OPCML: variants seen among roughly 807,000 people sequenced by gnomAD.
OPCML encodes opioid-binding protein/cell adhesion molecule.
OPCML carries 13 observed loss-of-function variants against 37.8 expected under a neutral mutation model. The observed-to-expected ratio is 0.34, with a 90% CI of 0.22 to 0.55. The LOEUF (loss-of-function observed/expected upper bound fraction) is 0.55. Ranked by LOEUF, OPCML falls within the 20% of genes least tolerant of loss-of-function variation. OPCML has a pLI of 0.91. For synonymous variants in OPCML, 176 were observed against 168.8 expected, an observed-to-expected ratio of 1.04 and a Z score of -0.33; for missense variants, 341 against 435.6, an observed-to-expected ratio of 0.78 and a Z score of 1.93.
intron 1 of OPCML, among the ~76,000 whole-genome samples, chr11:133,411,851 G>A (rs146652691): frequency 2.6e-5 from 4 of 152,254 alleles, no homozygotes; most frequent in East Asian, 1.9e-4. Context: ...TCTGTTTATT[G>A]TCTTTGACTG....
At chr11:132,642,561 T>C (rs1409805011) in intron 3 of OPCML, among the ~76,000 whole-genome samples, 1 of 152,220 alleles carries the variant, frequency 6.6e-6, no homozygotes, top group African/African-American at 2.4e-5. Context: ...CATATTAGGA[T>C]AAGTGAAGGG....
At chr11:133,280,152 A>T (rs1423050507) in intron 1 of OPCML, among the ~76,000 whole-genome samples, 2 of 152,218 alleles carry the variant, frequency 1.3e-5, no homozygotes. Context: ...GTACCCTCCT[A>T]GATTTGCATA....
chr11:132,927,108 TAGAG>T (rs1322799809), intron 2 of OPCML, among the ~76,000 whole-genome samples: 3 of 151,540 alleles, frequency 2.0e-5, no homozygotes, highest in Non-Finnish European at 4.4e-5. Flanking sequence ...GGAAAAGAAA[TAGAG>T]AGAAAGGAAA....
chr11:133,489,593 T>G (rs1333870257), intron 1 of OPCML, among the ~76,000 whole-genome samples: 1 of 152,168 alleles, frequency 6.6e-6, no homozygotes, highest in Non-Finnish European at 1.5e-5. Flanking sequence ...TTAGTGAGGA[T>G]GCAGAGACTA....
Position 133,170,805 on chromosome 11 carries a change from T to C in OPCML, c.62-227795A>G, listed in dbSNP as rs75238019. Among the ~76,000 whole-genome samples the C allele has an allele frequency of 3.9e-3, 599 of 152,264 alleles. 7 individuals are homozygous for C. The highest frequency in any genetic ancestry group is 0.014 in the African/African-American group (578 of 41,564). ...AGGTCTACCTGGAGCCACAGCCCTC[T>C]CCATCTAGAAGGAGCTGGATCCTGG... On this transcript the variant is annotated intron_variant, in intron 1 of 7. Coordinates refer to ENST00000524381, the MANE Select transcript of OPCML (RefSeq NM_001012393.5).
intron 2 of OPCML, among the ~76,000 whole-genome samples, chr11:132,700,433 T>G (rs998011019): frequency 2.0e-5 from 3 of 152,152 alleles, no homozygotes; most frequent in African/African-American, 7.2e-5. Context: ...CTATAATATC[T>G]CCACTTGAAG....
intron 1 of OPCML, among the ~76,000 whole-genome samples, chr11:132,971,138 A>G (rs762551774): frequency 1.3e-5 from 2 of 152,202 alleles, no homozygotes; most frequent in African/African-American, 2.4e-5. Context: ...GCAAGCTGAA[A>G]AACAACATCT....
intron 1 of OPCML, among the ~76,000 whole-genome samples, chr11:133,379,020 T>C (rs560883034): frequency 1.3e-5 from 2 of 152,288 alleles, no homozygotes; most frequent in Admixed American, 1.3e-4. Flanking sequence ...GCCTCACAGA[T>C]TGCTGGGATT....
Position 132,702,274 on chromosome 11 carries a change from T to A in OPCML, c.147-44955A>T, listed in dbSNP as rs188564158. The stretch of plus-strand genomic sequence containing the variant: ...AGTGGTGATGAACTCCCTCAGTTTT[T>A]TGTTTGTCTAGGAAAATCTCCTTCA... On this transcript the variant is annotated intron_variant, in intron 2 of 7. Transcript: ENST00000524381. Among the ~76,000 whole-genome samples the A allele has an allele frequency of 2.3e-3, 357 of 152,282 alleles. 2 individuals carry two copies. Among genetic ancestry groups the A allele is most frequent in the Non-Finnish European group, 1.9e-3 (132 of 68,020 alleles).
At chr11:132,558,146 C>T (rs1235791698) in intron 3 of OPCML, among the ~76,000 whole-genome samples, 3 of 152,048 alleles carry the variant, frequency 2.0e-5, no homozygotes, top group Non-Finnish European at 4.4e-5. Context: ...ACCTTCATCT[C>T]TTCATACCCA....
rs139343849 is a variant in OPCML, at chr11:132,419,188, C to A, written c.*1005G>T. ...ATAAATGAATACAGTGGGAGAGATACAATATGGTTAGAGATTCATATGGGG... is the reference window on the plus strand; with the variant it reads ...ATAAATGAATACAGTGGGAGAGATAAAATATGGTTAGAGATTCATATGGGG... On this transcript the variant is annotated 3_prime_UTR_variant, in exon 8 of 8. Transcript: ENST00000524381. 5.9e-5 allele frequency: 9 copies of A among 152,258 alleles called. No homozygotes were observed. Among genetic ancestry groups the A allele is most frequent in the African/African-American group, 1.4e-4 (6 of 41,518 alleles). The allele number at this position is 152,258 out of a possible 1,614,324, so 9.4% of individuals were successfully genotyped here.
At chr11:133,471,092 A>G (rs1565652649) in intron 1 of OPCML, among the ~76,000 whole-genome samples, 1 of 152,230 alleles carries the variant, frequency 6.6e-6, no homozygotes, top group East Asian at 1.9e-4. Flanking sequence ...ATATGGAAAG[A>G]TACAACTCAA....
intron 2 of OPCML, among the ~76,000 whole-genome samples, chr11:132,753,901 T>G (rs1945936110): frequency 6.6e-6 from 1 of 152,228 alleles, no homozygotes; most frequent in African/African-American, 2.4e-5. Flanking sequence ...TGGGATCTGT[T>G]ACCATCATGC....
At position 133,080,489 on chromosome 11, in the gene OPCML, T is replaced by C. The variant is rs991970393; in HGVS notation, c.62-137479A>G. ...GTAATCAAATGTTTTTTTTTTTTTT[T>C]TTTTTCCTAAAATAGGCTTTAGTCT... On this transcript the variant is annotated intron_variant, in intron 1 of 7. Transcript: ENST00000524381. Among the ~76,000 whole-genome samples the C allele has an allele frequency of 9.2e-5, 14 of 151,822 alleles. No homozygotes were observed. In the South Asian group the frequency reaches 2.9e-3, roughly 32 times the overall value.
intron 3 of OPCML, among the ~76,000 whole-genome samples, chr11:132,613,106 A>G (rs1938756984): frequency 6.6e-6 from 1 of 152,224 alleles, no homozygotes; most frequent in African/African-American, 2.4e-5. Flanking sequence ...TTGCAGAGGA[A>G]GTGTCATGAG....
chr11:133,195,603 G>A (rs1297312616), intron 1 of OPCML, among the ~76,000 whole-genome samples: 1 of 152,208 alleles, frequency 6.6e-6, no homozygotes, highest in East Asian at 1.9e-4. Flanking sequence ...CATGGTATCT[G>A]TGTAGGATTC....
chr11:133,148,389 C>T (rs1331037821), intron 1 of OPCML, among the ~76,000 whole-genome samples: 1 of 152,198 alleles, frequency 6.6e-6, no homozygotes, highest in Non-Finnish European at 1.5e-5. Flanking sequence ...ACTCCCCTGT[C>T]GCCTCCAGAT....
intron 2 of OPCML, among the ~76,000 whole-genome samples, chr11:132,727,230 C>T (rs1392583065): frequency 6.6e-6 from 1 of 151,756 alleles, no homozygotes; most frequent in Non-Finnish European, 1.5e-5. Context: ...CCTGAGGTCA[C>T]GTGGTTAGGT....
intron 3 of OPCML, among the ~76,000 whole-genome samples, chr11:132,601,133 T>C (rs1937858858): frequency 6.6e-6 from 1 of 152,062 alleles, no homozygotes; most frequent in Non-Finnish European, 1.5e-5. Flanking sequence ...GGGTTAAAAA[T>C]TAAAACAAAA....
Sources: gnomAD v4.1 joint callset for allele counts (sites outside exome capture counted in the v4.1 genomes callset) on GRCh38, gnomAD v4.1.1 for gene constraint, MANE v1.5 for transcripts, NCBI Gene and HGNC (gene_info 2026-07-23, HGNC 2026-07-21) for gene names.